GLT1D1: variants seen among roughly 807,000 people sequenced by gnomAD.
GLT1D1 encodes glycosyltransferase 1 domain-containing protein 1.
Under a neutral mutation model 28.7 loss-of-function variants are expected in GLT1D1, and 21 were observed. That is an observed-to-expected ratio of 0.73 (90% CI 0.52 to 1.05). The LOEUF (loss-of-function observed/expected upper bound fraction) is 1.05. Among genes scored for constraint, GLT1D1 ranks in the 50% least tolerant of loss-of-function variants. The pLI is 0.00. For missense variants in GLT1D1, 343 were observed against 330.6 expected, an observed-to-expected ratio of 1.04 and a Z score of -0.29; for synonymous variants, 147 against 124.8, an observed-to-expected ratio of 1.18 and a Z score of -1.19.
chr12:128,935,608 A>C (rs1413461442), intron 4 of GLT1D1, among the ~76,000 whole-genome samples: 3 of 151,592 alleles, frequency 2.0e-5, no homozygotes, highest in Admixed American at 6.6e-5. Flanking sequence ...CTGAGGCTGC[A>C]TATGTTTTAT....
At chr12:128,949,068 G>A (rs751639233) in intron 6 of GLT1D1, among the ~76,000 whole-genome samples, 28 of 152,130 alleles carry the variant, frequency 1.8e-4, no homozygotes, top group Non-Finnish European at 3.7e-4. Flanking sequence ...CCCAACTGCA[G>A]TCCTCGGGGC....
intron 3 of GLT1D1, among the ~76,000 whole-genome samples, chr12:128,889,895 C>A (rs1044774661): frequency 6.6e-6 from 1 of 152,216 alleles, no homozygotes; most frequent in African/African-American, 2.4e-5. Context: ...GTGCCTCAGG[C>A]TCCCGAGTAA....
At chr12:128,879,378 T>TTCTTTCTTTC (rs200811517) in intron 2 of GLT1D1, among the ~76,000 whole-genome samples, 2 of 69,976 alleles carry the variant, frequency 2.9e-5, no homozygotes, top group African/African-American at 1.1e-4. Flanking sequence ...ATTTTTTTCT[T>TTCTTTCTTTC]TTTCTTTCTT....
chr12:128,887,822 C>A (rs1363684225), intron 2 of GLT1D1, among the ~76,000 whole-genome samples: 3 of 152,180 alleles, frequency 2.0e-5, no homozygotes, highest in Non-Finnish European at 4.4e-5. Context: ...ACTGGGTGAA[C>A]TCCAGTTAGA....
intron 4 of GLT1D1, among the ~76,000 whole-genome samples, chr12:128,928,171 T>G (rs1205650254): frequency 1.3e-5 from 2 of 152,124 alleles, no homozygotes; most frequent in African/African-American, 4.8e-5. Flanking sequence ...TTCCTTAAAT[T>G]GCTCAACAAA....
At chr12:128,939,284 G>A (rs902862528) in intron 4 of GLT1D1, among the ~76,000 whole-genome samples, 8 of 151,994 alleles carry the variant, frequency 5.3e-5, no homozygotes, top group Non-Finnish European at 8.8e-5. Context: ...ATTTGAGGCC[G>A]GGTGCAGCAG....
At chr12:128,946,764 T>C (rs901510888) in intron 5 of GLT1D1, among the ~76,000 whole-genome samples, 4 of 144,988 alleles carry the variant, frequency 2.8e-5, no homozygotes, top group Non-Finnish European at 6.0e-5. Flanking sequence ...TTCTCCTGCC[T>C]CAGCCTCCCA....
At chr12:128,962,562 A>T (rs1878072624) in intron 7 of GLT1D1, among the ~76,000 whole-genome samples, 1 of 152,110 alleles carries the variant, frequency 6.6e-6, no homozygotes, top group Non-Finnish European at 1.5e-5. Context: ...GCAGGGGGTG[A>T]GGTGGCCTGG....
At chr12:128,871,928 T>A (rs1480261452) in intron 1 of GLT1D1, among the ~76,000 whole-genome samples, 1 of 152,068 alleles carries the variant, frequency 6.6e-6, no homozygotes, top group Non-Finnish European at 1.5e-5. Context: ...AGGGTAATTT[T>A]TTTTTAATTT....
rs374431707 is a variant in GLT1D1 at position 128,906,959 on chromosome 12, G to C, written c.375+7672G>C. ...ACAAGTGCAGTTCCTGTACAGGTGA[G>C]CTCCACAAGTCAGTGCAGATGTTAG... On this transcript the variant is annotated intron_variant, in intron 4 of 7. Transcript: ENST00000281703. 191 of 702,538 alleles carry C rather than the reference G, an allele frequency of 2.7e-4. 2 individuals are homozygous for C. In the East Asian group the frequency reaches 3.9e-3, roughly 14 times the overall value. The allele number at this position is 702,538 out of a possible 1,614,324, so 43.5% of individuals were successfully genotyped here. A position where few individuals can be genotyped will look rare whatever the true frequency, so the allele number is the denominator to read the frequency against.
Position 128,898,275 on chromosome 12 carries a change from C to T in GLT1D1, c.324-961C>T, listed in dbSNP as rs1240797718. 3.9e-5 allele frequency among the ~76,000 whole-genome samples: 6 copies of T among 151,990 alleles called. No individual in the cohort carries two copies. The South Asian group carries it at 6.2e-4, about 16-fold the overall frequency. On this transcript the variant is annotated intron_variant, in intron 3 of 7. Transcript: ENST00000281703. ...GCAGCCTTGACATCCCAGGCTCAAG[C>T]GATCCTCCTGCCTCAGCCTCCTGAG...
intron 4 of GLT1D1, chr12:128,944,933 G>A (rs955008249): frequency 5.6e-5 from 29 of 520,518 alleles, no homozygotes; most frequent in Middle Eastern, 5.2e-4. Context: ...TTCTCGTAAC[G>A]CTATCCCTCC....
intron 7 of GLT1D1, among the ~76,000 whole-genome samples, chr12:128,965,729 A>G (rs1271436502): frequency 7.0e-6 from 1 of 143,528 alleles, no homozygotes; most frequent in Non-Finnish European, 1.5e-5. Flanking sequence ...AAAAAAAAAA[A>G]AAAAAAGAAA....
intron 6 of GLT1D1, among the ~76,000 whole-genome samples, chr12:128,951,544 C>A (rs932614094): frequency 1.4e-4 from 21 of 152,144 alleles, no homozygotes; most frequent in Non-Finnish European, 2.5e-4. Flanking sequence ...CATCTTGGAT[C>A]CTGACATTTC....
chr12:128,946,109 G>A (rs1876035249), intron 5 of GLT1D1, among the ~76,000 whole-genome samples: 2 of 152,156 alleles, frequency 1.3e-5, no homozygotes, highest in Admixed American at 1.3e-4. Flanking sequence ...TTGCTCCTAG[G>A]TGCAGACGCG....
At chr12:128,874,752 G>A (rs1051365706) in intron 1 of GLT1D1, among the ~76,000 whole-genome samples, 1 of 152,184 alleles carries the variant, frequency 6.6e-6, no homozygotes, top group African/African-American at 2.4e-5. Context: ...TCAAAGTGCT[G>A]GGATTACAGG....
At chr12:128,908,756 T>C in intron 4 of GLT1D1, among the ~76,000 whole-genome samples, 1 of 152,000 alleles carries the variant, frequency 6.6e-6, no homozygotes, top group Admixed American at 6.6e-5. Flanking sequence ...GAGACCATCT[T>C]GGCTAACACG....
chr12:128,911,603 A>C (rs936036955), intron 4 of GLT1D1, among the ~76,000 whole-genome samples: 1 of 152,150 alleles, frequency 6.6e-6, no homozygotes, highest in African/African-American at 2.4e-5. Flanking sequence ...TGTTTTGATC[A>C]CTTGAGAGAA....
At chr12:128,896,295 A>C (rs544064563) in intron 3 of GLT1D1, among the ~76,000 whole-genome samples, 5 of 152,350 alleles carry the variant, frequency 3.3e-5, no homozygotes, top group Non-Finnish European at 5.9e-5. Flanking sequence ...TATTATCTAC[A>C]GGAAGTCTTG....
Sources: allele counts gnomAD v4.1 joint callset (sites outside exome capture counted in the v4.1 genomes callset), GRCh38; gene constraint gnomAD v4.1.1; transcripts MANE v1.5; gene names NCBI Gene and HGNC (gene_info 2026-07-23, HGNC 2026-07-21).